The following DIAPH3 variants were observed in gnomAD, a reference collection of about 807,000 sequenced individuals.
DIAPH3 encodes diaphanous related formin 3.
Under a neutral mutation model 144.3 loss-of-function variants are expected in DIAPH3, and 117 were observed. The observed-to-expected ratio is 0.81, with a 90% CI of 0.70 to 0.95. The LOEUF is 0.95. Among genes scored for constraint, DIAPH3 ranks in the 40% least tolerant of loss-of-function variants. The pLI is 0.00. For missense variants in DIAPH3, 1,421 were observed against 1,412.7 expected, an observed-to-expected ratio of 1.01 and a Z score of -0.09; for synonymous variants, 519 against 488.9, an observed-to-expected ratio of 1.06 and a Z score of -0.81.
chr13:59,811,025 CT>C, intron 24 of DIAPH3, 102 bp from the exon 25 acceptor site: 2 of 1,123,484 alleles, frequency 1.8e-6, no homozygotes, highest in Non-Finnish European at 2.5e-6. Context: ...ACATGATTAT[CT>C]TTTAGATAAT....
intron 27 of DIAPH3, among the ~76,000 whole-genome samples, chr13:59,764,448 AC>A (rs1450102138): frequency 2.0e-5 from 3 of 151,524 alleles, no homozygotes; most frequent in Non-Finnish European, 4.4e-5. Flanking sequence ...TCCATTTGCC[AC>A]TGGGGCCCTG....
At chr13:59,880,785 T>C (rs1390092723) in intron 20 of DIAPH3, among the ~76,000 whole-genome samples, 4 of 151,930 alleles carry the variant, frequency 2.6e-5, no homozygotes, top group African/African-American at 9.7e-5. Context: ...TTTCAAATAA[T>C]ATAAATATCT....
At chr13:59,705,694 A>G (rs146837893) in intron 27 of DIAPH3, among the ~76,000 whole-genome samples, 16 of 152,326 alleles carry the variant, frequency 1.1e-4, no homozygotes, top group African/African-American at 3.4e-4. Context: ...CTGAACATAT[A>G]ATTTTCAAAG....
chr13:59,974,649 C>T (rs1321630020), intron 14 of DIAPH3, among the ~76,000 whole-genome samples, 193 bp from the exon 15 acceptor site: 1 of 151,888 alleles, frequency 6.6e-6, no homozygotes, highest in Admixed American at 6.6e-5. Context: ...CAACCAAAAT[C>T]GTTCATTCAC....
intron 27 of DIAPH3, among the ~76,000 whole-genome samples, chr13:59,692,353 T>C (rs1370036063): frequency 6.6e-6 from 1 of 151,902 alleles, no homozygotes; most frequent in Non-Finnish European, 1.5e-5. Context: ...CATTTCTAGT[T>C]GTATCCCTTT....
intron 21 of DIAPH3, among the ~76,000 whole-genome samples, chr13:59,877,204 C>A (rs2044685784): frequency 6.6e-6 from 1 of 152,126 alleles, no homozygotes; most frequent in Admixed American, 6.6e-5. Flanking sequence ...TGATCTCATT[C>A]TCTTTTGAGC....
chr13:59,725,315 T>TA (rs755616877), intron 27 of DIAPH3, among the ~76,000 whole-genome samples: 107 of 152,350 alleles, frequency 7.0e-4, no homozygotes, highest in Non-Finnish European at 1.2e-3. Flanking sequence ...ATCCTTGTTA[T>TA]ATGTTTCCAT....
intron 18 of DIAPH3, among the ~76,000 whole-genome samples, chr13:59,917,494 A>G (rs1289886786): frequency 1.3e-5 from 2 of 152,176 alleles, no homozygotes; most frequent in African/African-American, 4.8e-5. Context: ...ACAGTTCTGA[A>G]CCCAAGAAGT....
intron 25 of DIAPH3, among the ~76,000 whole-genome samples, chr13:59,782,091 G>C (rs1566301073): frequency 6.6e-6 from 1 of 151,198 alleles, no homozygotes; most frequent in Non-Finnish European, 1.5e-5. Context: ...TATAGCAGCA[G>C]GAAAAAACCA....
intron 4 of DIAPH3, among the ~76,000 whole-genome samples, chr13:60,064,004 A>G (rs2056867176): frequency 6.6e-6 from 1 of 152,202 alleles, no homozygotes. Flanking sequence ...GTCAATGAAC[A>G]GAAATATTTT....
In DIAPH3 at chr13:60,110,638, A is replaced by G. The variant is rs1207751019; in HGVS notation, c.390+1372T>C. Among the ~76,000 whole-genome samples, 4 of 152,298 alleles carry G rather than the reference A, an allele frequency of 2.6e-5. No homozygotes were observed. In the East Asian group the frequency reaches 7.7e-4, roughly 29 times the overall value. On this transcript the variant is annotated intron_variant, in intron 3 of 27. Transcript: ENST00000400324. ...GTTTCTTATTTTTTAAAAAGGGCTT[A>G]GTTGTAATTGTCTCATCCCTTAGCA...
intron 27 of DIAPH3, among the ~76,000 whole-genome samples, chr13:59,771,195 T>C (rs977304473): frequency 1.3e-5 from 2 of 152,070 alleles, no homozygotes; most frequent in Non-Finnish European, 2.9e-5. Flanking sequence ...CTAAGAAGTC[T>C]GAGACTATAG....
intron 8 of DIAPH3, among the ~76,000 whole-genome samples, chr13:60,009,672 G>A (rs915946716): frequency 3.3e-5 from 5 of 152,194 alleles, no homozygotes; most frequent in Admixed American, 1.3e-4. Context: ...CACACTTTGC[G>A]GGCAGACTGC....
Position 59,921,690 on chromosome 13 carries a change from C to CA in DIAPH3, c.2170+3084dup, listed in dbSNP as rs754717595. 3.4e-4 allele frequency among the ~76,000 whole-genome samples: 52 copies of CA among 151,756 alleles called. No individual in the cohort carries two copies. The Middle Eastern group carries it at 0.01, about 30-fold the overall frequency. ...TATTACCAATTCTTATCACACTATT[C>CA]AAAAAAAATCAAAGAGTAGAGAATA... On this transcript the variant is annotated intron_variant, in intron 18 of 27. Coordinates refer to ENST00000400324, the MANE Select transcript of DIAPH3 (RefSeq NM_001042517.2).
intron 5 of DIAPH3, among the ~76,000 whole-genome samples, chr13:60,023,848 GC>G (rs2054192270): frequency 9.1e-6 from 1 of 109,890 alleles, no homozygotes; most frequent in African/African-American, 3.5e-5. Context: ...GGACTATTCA[GC>G]CTTTTTTTTT....
chr13:60,021,334 C>T (rs1245839441), intron 5 of DIAPH3, among the ~76,000 whole-genome samples: 1 of 152,042 alleles, frequency 6.6e-6, no homozygotes, highest in Non-Finnish European at 1.5e-5. Flanking sequence ...AGAGTCAAAG[C>T]ATAAAAAGGG....
chr13:59,988,871 T>G (rs545359615), intron 12 of DIAPH3, among the ~76,000 whole-genome samples: 1 of 151,958 alleles, frequency 6.6e-6, no homozygotes, highest in Non-Finnish European at 1.5e-5. Flanking sequence ...CCAATTATCT[T>G]GCTGTATTTC....
chr13:60,057,683 G>T (rs954655311), intron 4 of DIAPH3, among the ~76,000 whole-genome samples: 5 of 151,876 alleles, frequency 3.3e-5, no homozygotes, highest in African/African-American at 1.2e-4. Context: ...GCATGGTATT[G>T]GTATAAAAGG....
chr13:59,729,297 T>C (rs1238350519), intron 27 of DIAPH3, among the ~76,000 whole-genome samples: 1 of 152,168 alleles, frequency 6.6e-6, no homozygotes, highest in South Asian at 2.1e-4. Context: ...TGAAATCATA[T>C]TGTCTCTTTT....
Sources: gnomAD v4.1 joint callset for allele counts (sites outside exome capture counted in the v4.1 genomes callset) on GRCh38, gnomAD v4.1.1 for gene constraint, MANE v1.5 for transcripts, NCBI Gene and HGNC (gene_info 2026-07-23, HGNC 2026-07-21) for gene names.